The following CDH20 variants were observed in gnomAD, a reference collection of about 807,000 sequenced individuals.
CDH20 encodes cadherin 20.
CDH20 carries 29 observed loss-of-function variants against 74.2 expected under a neutral mutation model. The ratio of observed to expected loss-of-function variants is 0.39; its 90% CI spans 0.29 to 0.53. The LOEUF is 0.53. CDH20 is among the 20% of genes least tolerant of loss of function. The pLI is 0.69. For missense variants in CDH20, 988 were observed against 1,048.3 expected (o/e 0.94, Z 0.79); for synonymous variants, 469 against 405.4 (o/e 1.16, Z -1.88).
rs1911585406 is a variant in CDH20, at chr18:61,385,987, G to T, written c.-153+52160G>T. Reference sequence around the variant, plus strand: ...ATAGAAAATGCAAGTGGATTAACATGTAAAAAAAAATTAACTTCACTAGTA... The same window carrying T: ...ATAGAAAATGCAAGTGGATTAACATTTAAAAAAAAATTAACTTCACTAGTA... On this transcript the variant is annotated intron_variant, in intron 1 of 11. Coordinates refer to ENST00000262717, the MANE Select transcript of CDH20 (RefSeq NM_031891.4). Among the ~76,000 whole-genome samples, 3 of 150,248 alleles carry T rather than the reference G, an allele frequency of 2.0e-5. No individual in the cohort carries two copies. The South Asian group carries it at 6.6e-4, about 33-fold the overall frequency.
At chr18:61,431,797 T>C (rs1376490113) in intron 1 of CDH20, among the ~76,000 whole-genome samples, 1 of 152,204 alleles carries the variant, frequency 6.6e-6, no homozygotes, top group African/African-American at 2.4e-5. Flanking sequence ...TGTATCTACA[T>C]CCTTTATCTG....
intron 1 of CDH20, among the ~76,000 whole-genome samples, chr18:61,400,827 G>A (rs116599257): frequency 1.3e-5 from 2 of 152,136 alleles, no homozygotes; most frequent in South Asian, 2.1e-4. Flanking sequence ...ATGAGCTCTG[G>A]TCAGTCTTTG....
chr18:61,472,015 T>C (rs1228800063), intron 1 of CDH20, among the ~76,000 whole-genome samples: 5 of 152,134 alleles, frequency 3.3e-5, no homozygotes, highest in African/African-American at 4.8e-5. Context: ...CAAAGAACTT[T>C]AGCTCTTACT....
chr18:61,498,952 T>C (rs1911264429), intron 2 of CDH20, among the ~76,000 whole-genome samples: 4 of 152,186 alleles, frequency 2.6e-5, no homozygotes, highest in African/African-American at 9.7e-5. Flanking sequence ...GTTTAAATAA[T>C]GGTAAGTTCA....
At chr18:61,528,317 T>C in intron 7 of CDH20, 97 bp downstream of exon 7, 2 of 1,300,918 alleles carry the variant, frequency 1.5e-6, no homozygotes, top group African/African-American at 1.5e-5. Context: ...CTTTCTTCTC[T>C]ATCCCATTTC....
chr18:61,335,024 C>T (rs1424668374), intron 1 of CDH20, among the ~76,000 whole-genome samples: 2 of 152,092 alleles, frequency 1.3e-5, no homozygotes, highest in African/African-American at 4.8e-5. Flanking sequence ...CTGTCAGGGA[C>T]TCAGCTAAGG....
chr18:61,357,901 A>G (rs1019462358), intron 1 of CDH20, among the ~76,000 whole-genome samples: 10 of 151,826 alleles, frequency 6.6e-5, no homozygotes, highest in African/African-American at 2.4e-4. Flanking sequence ...GCCCTCAGAT[A>G]CCCCTTCTTC....
chr18:61,444,662 C>T (rs2045990809), intron 1 of CDH20, among the ~76,000 whole-genome samples: 1 of 152,168 alleles, frequency 6.6e-6, no homozygotes, highest in Non-Finnish European at 1.5e-5. Flanking sequence ...TGCAAGTCTA[C>T]ATGGGTGGCT....
intron 1 of CDH20, among the ~76,000 whole-genome samples, chr18:61,347,317 TATACAC>T (rs1254327690): frequency 0.012 from 836 of 69,560 alleles, 8 homozygotes; most frequent in African/African-American, 0.032. Context: ...TATATATATA[TATACAC>T]ACACACACAC....
intron 1 of CDH20, among the ~76,000 whole-genome samples, chr18:61,448,973 G>A (rs1306441359): frequency 6.6e-6 from 1 of 152,188 alleles, no homozygotes; most frequent in Non-Finnish European, 1.5e-5. Flanking sequence ...TTCCCTTGCT[G>A]ATGATATCAG....
At chr18:61,545,620 T>C (rs569753052) in intron 10 of CDH20, among the ~76,000 whole-genome samples, 46 of 151,388 alleles carry the variant, frequency 3.0e-4, no homozygotes, top group African/African-American at 1.1e-3. Flanking sequence ...CTGAGAAAGA[T>C]AGAAAGTGAT....
intron 1 of CDH20, among the ~76,000 whole-genome samples, chr18:61,339,335 T>A (rs1909859157): frequency 6.6e-6 from 1 of 151,022 alleles, no homozygotes; most frequent in Non-Finnish European, 1.5e-5. Context: ...TATTTTAGAT[T>A]CAAGGGGTAC....
Position 61,549,974 on chromosome 18 carries a change from T to C in CDH20, c.1649-4T>C, listed in dbSNP as rs771049403. 2 of 1,605,910 alleles carry C rather than the reference T, an allele frequency of 1.2e-6. No individual in the cohort carries two copies. The highest frequency in any genetic ancestry group is 2.7e-5 in the African/African-American group (2 of 74,778). ...TCCAATCCTGGAACCCCTCCTTCTT[T>C]CAGATAACACAGCACGGATTCTAAC... On this transcript the variant is annotated splice_region_variant and splice_polypyrimidine_tract_variant and intron_variant, in intron 10 of 11. Coordinates refer to ENST00000262717, the MANE Select transcript of CDH20 (RefSeq NM_031891.4).
chr18:61,463,820 A>G (rs1909865301), intron 1 of CDH20, among the ~76,000 whole-genome samples: 1 of 152,196 alleles, frequency 6.6e-6, no homozygotes, highest in Non-Finnish European at 1.5e-5. Flanking sequence ...GGAAGCACAC[A>G]TTCCTAAACC....
At chr18:61,463,393 G>C (rs1163953513) in intron 1 of CDH20, among the ~76,000 whole-genome samples, 1 of 152,126 alleles carries the variant, frequency 6.6e-6, no homozygotes, top group Non-Finnish European at 1.5e-5. Flanking sequence ...AACCTGAAGT[G>C]TAAATATTGG....
At chr18:61,516,733 G>A (rs941044678) in intron 6 of CDH20, among the ~76,000 whole-genome samples, 2 of 152,144 alleles carry the variant, frequency 1.3e-5, no homozygotes, top group African/African-American at 4.8e-5. Flanking sequence ...TCAAGTGTGG[G>A]CAATTTAAAT....
intron 6 of CDH20, among the ~76,000 whole-genome samples, chr18:61,525,137 G>A (rs1912346840): frequency 1.3e-5 from 2 of 152,106 alleles, no homozygotes; most frequent in African/African-American, 4.8e-5. Flanking sequence ...GAGGGTCACG[G>A]GGGTTTTGAA....
At chr18:61,473,139 T>G (rs902393194) in intron 1 of CDH20, among the ~76,000 whole-genome samples, 13 of 152,248 alleles carry the variant, frequency 8.5e-5, no homozygotes, top group Non-Finnish European at 1.6e-4. Flanking sequence ...TGATGTAATA[T>G]GGCATCAGCC....
In CDH20 at chr18:61,554,380, G is replaced by A. The variant is rs1255455571; in HGVS notation, c.2091G>A (p.Thr697=). 1 of 1,612,882 alleles carries A rather than the reference G, an allele frequency of 6.2e-7. No homozygotes were observed. Among genetic ancestry groups the A allele is most frequent in the Non-Finnish European group, 8.5e-7 (1 of 1,179,690 alleles). The change falls in exon 12 of 12, where the codon ACG becomes ACA. Residue 697 remains threonine, a synonymous_variant. Transcript: ENST00000262717. ...CGCAGGCGGGGGCCGCCCCCAAGAC[G>A]CGGCAGGACATGCTGCCCGAGATCG... ...REAQAGAAPK[T]RQDMLPEIES...
Sources: gnomAD v4.1 joint callset for allele counts (sites outside exome capture counted in the v4.1 genomes callset) on GRCh38, gnomAD v4.1.1 for gene constraint, MANE v1.5 for transcripts, NCBI Gene and HGNC (gene_info 2026-07-23, HGNC 2026-07-21) for gene names.